The following MCHR2 variants were observed in gnomAD, a reference collection of about 807,000 sequenced individuals.
MCHR2 encodes melanin-concentrating hormone receptor 2.
Under a neutral mutation model 24.8 loss-of-function variants are expected in MCHR2, and 15 were observed. The observed-to-expected ratio is 0.60, with a 90% CI of 0.40 to 0.93. MCHR2 has a LOEUF of 0.93. Ranked by LOEUF, MCHR2 falls within the 40% of genes least tolerant of loss-of-function variation. The probability of loss-of-function intolerance (pLI) is 0.00; values close to 1 mark genes in which losing one functional copy is unlikely to be tolerated. For synonymous variants in MCHR2, 151 were observed against 147.6 expected, an observed-to-expected ratio of 1.02 and a Z score of -0.17; for missense variants, 386 against 408.7, an observed-to-expected ratio of 0.94 and a Z score of 0.48.
At chr6:99,972,459 T>C (rs530242469) in intron 1 of MCHR2, among the ~76,000 whole-genome samples, 71 of 152,304 alleles carry the variant, frequency 4.7e-4, no homozygotes, top group African/African-American at 1.5e-3. Flanking sequence ...TCTTTTCTTC[T>C]TTATTAGTCT....
chr6:99,941,516 A>C (rs1346648036), intron 4 of MCHR2, among the ~76,000 whole-genome samples: 2 of 152,082 alleles, frequency 1.3e-5, no homozygotes, highest in Non-Finnish European at 2.9e-5. Flanking sequence ...CCTAACCCCA[A>C]ATATAATGGT....
chr6:99,936,006 T>C (rs556724004), intron 4 of MCHR2, among the ~76,000 whole-genome samples: 5 of 152,174 alleles, frequency 3.3e-5, no homozygotes, highest in African/African-American at 1.2e-4. Flanking sequence ...TTTTGAGAAA[T>C]GTCTGTTCAG....
chr6:99,969,719 C>A (rs1416282745), intron 1 of MCHR2, among the ~76,000 whole-genome samples: 1 of 116,858 alleles, frequency 8.6e-6, no homozygotes, highest in Non-Finnish European at 1.7e-5. Context: ...CCCCTCCCCC[C>A]ACCCCACAAC....
At chr6:99,991,673 G>A (rs954670796) in intron 1 of MCHR2, among the ~76,000 whole-genome samples, 40 of 152,084 alleles carry the variant, frequency 2.6e-4, no homozygotes, top group African/African-American at 9.4e-4. Flanking sequence ...TGGGCATGGT[G>A]GTGGGCGCCT....
intron 5 of MCHR2, among the ~76,000 whole-genome samples, chr6:99,925,536 A>G (rs1009617288): frequency 6.6e-6 from 1 of 151,604 alleles, no homozygotes; most frequent in Non-Finnish European, 1.5e-5. Context: ...GATTTAGTTT[A>G]TTGCTTTTTA....
At chr6:99,987,564 A>C (rs567669611) in intron 1 of MCHR2, among the ~76,000 whole-genome samples, 6 of 152,318 alleles carry the variant, frequency 3.9e-5, no homozygotes, top group Non-Finnish European at 8.8e-5. Context: ...TAACAGAGTC[A>C]GGATTTAAAC....
intron 4 of MCHR2, among the ~76,000 whole-genome samples, chr6:99,938,813 C>T (rs1774717470): frequency 6.6e-6 from 1 of 152,020 alleles, no homozygotes. Flanking sequence ...TATTGCATTG[C>T]AGCCCTCTCT....
intron 1 of MCHR2, among the ~76,000 whole-genome samples, chr6:99,972,723 A>G (rs572802318): frequency 6.6e-6 from 1 of 151,382 alleles, no homozygotes; most frequent in African/African-American, 2.4e-5. Flanking sequence ...CCCTCTACAT[A>G]CTGCTTTGAA....
At chr6:99,932,698 A>G (rs960334851) in intron 5 of MCHR2, among the ~76,000 whole-genome samples, 2 of 152,180 alleles carry the variant, frequency 1.3e-5, no homozygotes, top group Admixed American at 6.5e-5. Context: ...TCTACAGGAT[A>G]CCTGGCCAGT....
intron 1 of MCHR2, among the ~76,000 whole-genome samples, chr6:99,980,369 G>C (rs1298374279): frequency 6.6e-6 from 1 of 152,180 alleles, no homozygotes; most frequent in Non-Finnish European, 1.5e-5. Context: ...GGCAGGCTGA[G>C]ATGGAAGTTG....
At chr6:99,976,525 G>A (rs138683356) in intron 1 of MCHR2, among the ~76,000 whole-genome samples, 1 of 152,320 alleles carries the variant, frequency 6.6e-6, no homozygotes, top group East Asian at 1.9e-4. Context: ...CCATAGTTGT[G>A]CCACAGCTCA....
In MCHR2 at chr6:99,943,249, T is replaced by C; in HGVS notation, c.393-106A>G. 3 of 676,064 alleles carry C rather than the reference T, an allele frequency of 4.4e-6. No homozygotes were observed. The African/African-American group carries it at 5.4e-5, about 12-fold the overall frequency. 41.9% of individuals were successfully genotyped at this position (676,064 alleles called of 1,614,324 possible). A position where few individuals can be genotyped will look rare whatever the true frequency, so the allele number is the denominator to read the frequency against. On this transcript the variant is annotated intron_variant, in intron 3 of 5. Transcript: ENST00000281806. ...AAATTCTTAGCATTATTTTCCTTTC[T>C]GAAGCACACCTCTATCAGGGCAAAA...
chr6:99,927,749 G>A (rs1184178383), intron 5 of MCHR2, among the ~76,000 whole-genome samples: 1 of 152,014 alleles, frequency 6.6e-6, no homozygotes, highest in East Asian at 1.9e-4. Context: ...GAGACAATGG[G>A]GTTTTCTAGA....
intron 5 of MCHR2, among the ~76,000 whole-genome samples, chr6:99,925,726 T>C (rs1053795394): frequency 3.9e-5 from 6 of 151,980 alleles, no homozygotes; most frequent in African/African-American, 1.4e-4. Context: ...TTTTTAACTT[T>C]TTGTTGTTTC....
At chr6:99,960,496 G>C (rs1775162672) in intron 1 of MCHR2, among the ~76,000 whole-genome samples, 1 of 152,040 alleles carries the variant, frequency 6.6e-6, no homozygotes, top group African/African-American at 2.4e-5. Flanking sequence ...AAGTTCATAT[G>C]GAACCAAAAA....
intron 1 of MCHR2, among the ~76,000 whole-genome samples, chr6:99,959,132 G>A (rs538899837): frequency 6.6e-6 from 1 of 152,222 alleles, no homozygotes; most frequent in African/African-American, 2.4e-5. Context: ...GGGCACTGAT[G>A]AGACCTCATG....
At chr6:99,930,505 T>C (rs1774494508) in intron 5 of MCHR2, among the ~76,000 whole-genome samples, 1 of 152,214 alleles carries the variant, frequency 6.6e-6, no homozygotes, top group Admixed American at 6.5e-5. Flanking sequence ...TCTTTTCACA[T>C]AGTCCCATAT....
intron 1 of MCHR2, among the ~76,000 whole-genome samples, chr6:99,981,132 C>T (rs1031420277): frequency 6.6e-6 from 1 of 152,092 alleles, no homozygotes; most frequent in Non-Finnish European, 1.5e-5. Flanking sequence ...GCTGTCAATC[C>T]TTTTGCTTAT....
At chr6:99,965,093 G>A (rs1033043122) in intron 1 of MCHR2, among the ~76,000 whole-genome samples, 3 of 152,108 alleles carry the variant, frequency 2.0e-5, no homozygotes, top group Non-Finnish European at 4.4e-5. Context: ...AGCCAACAAT[G>A]TTCTGGCTTT....
Sources: gnomAD v4.1 joint callset for allele counts (sites outside exome capture counted in the v4.1 genomes callset) on GRCh38, gnomAD v4.1.1 for gene constraint, MANE v1.5 for transcripts, NCBI Gene and HGNC (gene_info 2026-07-23, HGNC 2026-07-21) for gene names.